Variants in CNTN6 observed in about 807,000 individuals in gnomAD.
The protein encoded by CNTN6 is contactin 6.
In CNTN6, 137 loss-of-function variants were observed where a neutral mutation model predicts 122.8. The ratio of observed to expected loss-of-function variants is 1.12; its 90% CI spans 0.97 to 1.29. The LOEUF (loss-of-function observed/expected upper bound fraction) is 1.29. CNTN6 is among the 50% of genes most tolerant of loss of function. The pLI is 0.00. For missense variants in CNTN6, 1,634 were observed against 1,223.4 expected, an observed-to-expected ratio of 1.34 and a Z score of -5.01; for synonymous variants, 570 against 426.0, an observed-to-expected ratio of 1.34 and a Z score of -4.16.
chr3:1,376,474 C>A (rs1016584564), intron 16 of CNTN6, among the ~76,000 whole-genome samples: 1 of 152,006 alleles, frequency 6.6e-6, no homozygotes, highest in Admixed American at 6.6e-5. Context: ...AAGAAAATCC[C>A]TCTTCTTCTC....
chr3:1,289,651 CTTTTG>C (rs1258991566), intron 5 of CNTN6, among the ~76,000 whole-genome samples: 1 of 146,984 alleles, frequency 6.8e-6, no homozygotes, highest in Non-Finnish European at 1.5e-5. Flanking sequence ...TGAGTTTTAT[CTTTTG>C]TTTTGTTTTG....
At chr3:1,291,313 A>C (rs936945539) in intron 5 of CNTN6, among the ~76,000 whole-genome samples, 6 of 152,200 alleles carry the variant, frequency 3.9e-5, no homozygotes, top group African/African-American at 1.4e-4. Flanking sequence ...CTATTAAAGA[A>C]GGACACACCA....
chr3:1,116,590 C>T (rs886190697), intron 1 of CNTN6, among the ~76,000 whole-genome samples: 1 of 151,582 alleles, frequency 6.6e-6, no homozygotes, highest in South Asian at 2.1e-4. Flanking sequence ...GGAAAGAAAA[C>T]CTGATATAGA....
chr3:1,289,229 G>T (rs1280456225), intron 5 of CNTN6, among the ~76,000 whole-genome samples: 4 of 152,106 alleles, frequency 2.6e-5, no homozygotes, highest in Non-Finnish European at 4.4e-5. Context: ...CACAGCAGTG[G>T]CTGATGCTGG....
chr3:1,235,302 T>G (rs1017674741), intron 4 of CNTN6, among the ~76,000 whole-genome samples: 2 of 152,152 alleles, frequency 1.3e-5, no homozygotes, highest in Non-Finnish European at 2.9e-5. Flanking sequence ...TGCTTGTTTA[T>G]TACTCATGTT....
At chr3:1,384,608 AATTT>A (rs1449135536) in intron 19 of CNTN6, among the ~76,000 whole-genome samples, 3 of 151,228 alleles carry the variant, frequency 2.0e-5, no homozygotes, top group African/African-American at 4.9e-5. Context: ...TGGGTAACAT[AATTT>A]ATTTAACTTT....
intron 20 of CNTN6, among the ~76,000 whole-genome samples, chr3:1,387,879 G>A (rs896686113): frequency 5.3e-5 from 8 of 152,206 alleles, no homozygotes; most frequent in African/African-American, 1.7e-4. Context: ...CGCACCACGA[G>A]ATTATATCCT....
At chr3:1,199,332 A>G (rs2093826568) in intron 2 of CNTN6, among the ~76,000 whole-genome samples, 1 of 151,870 alleles carries the variant, frequency 6.6e-6, no homozygotes, top group African/African-American at 2.4e-5. Context: ...GGTGTATGCC[A>G]CCATGCCCAG....
In CNTN6 at chr3:1,372,393, T is replaced by C; in HGVS notation, c.1587T>C (p.Ile529=). 3 of 1,613,408 alleles carry C rather than the reference T, an allele frequency of 1.9e-6. No homozygotes were observed. In the South Asian group the frequency reaches 3.3e-5, roughly 18 times the overall value. The change falls in exon 13 of 23, where the codon ATT becomes ATC. Residue 529 remains isoleucine, a synonymous_variant. Coordinates refer to ENST00000446702, the MANE Select transcript of CNTN6 (RefSeq NM_001289080.2). ...LPCQVSHDPS[I]EVVFVWFFNG... ...GCCAGGTGTCCCATGACCCCTCCAT[T>C]GAAGTGGTATTTGTATGGTTTTTCA...
chr3:1,379,088 A>T (rs1001332287), intron 17 of CNTN6, among the ~76,000 whole-genome samples: 1 of 152,150 alleles, frequency 6.6e-6, no homozygotes, highest in Non-Finnish European at 1.5e-5. Flanking sequence ...TTGGTAAGAA[A>T]TTCCTACAGG....
At chr3:1,096,449 T>G (rs2090532382) in intron 1 of CNTN6, among the ~76,000 whole-genome samples, 1 of 152,228 alleles carries the variant, frequency 6.6e-6, no homozygotes, top group African/African-American at 2.4e-5. Flanking sequence ...TTCTTTCTTT[T>G]CTTCAGGATC....
intron 1 of CNTN6, among the ~76,000 whole-genome samples, chr3:1,134,684 GT>G (rs924982808): frequency 2.0e-5 from 3 of 151,104 alleles, no homozygotes; most frequent in Non-Finnish European, 2.9e-5. Flanking sequence ...TGTTTTTTTT[GT>G]TTTTTGTTTT....
intron 4 of CNTN6, among the ~76,000 whole-genome samples, chr3:1,242,523 C>T (rs945892441): frequency 2.6e-5 from 4 of 152,076 alleles, no homozygotes; most frequent in African/African-American, 9.7e-5. Context: ...GGCTTTAATC[C>T]TTTGAAAGCG....
chr3:1,194,257 T>C (rs2093743981), intron 2 of CNTN6, among the ~76,000 whole-genome samples: 1 of 152,160 alleles, frequency 6.6e-6, no homozygotes, highest in African/African-American at 2.4e-5. Flanking sequence ...ACATTATTGA[T>C]ATTTTTAAAG....
intron 1 of CNTN6, among the ~76,000 whole-genome samples, chr3:1,099,589 A>G (rs1047264122): frequency 1.3e-5 from 2 of 152,210 alleles, no homozygotes; most frequent in African/African-American, 2.4e-5. Flanking sequence ...GCAGTGTTCT[A>G]TTATCACATA....
intron 4 of CNTN6, among the ~76,000 whole-genome samples, chr3:1,235,203 G>C (rs1465370509): frequency 5.3e-5 from 8 of 152,110 alleles, no homozygotes; most frequent in African/African-American, 1.9e-4. Context: ...GTTGGGATGG[G>C]AGAGGAAAAT....
At chr3:1,178,590 C>G (rs1019929017) in intron 2 of CNTN6, among the ~76,000 whole-genome samples, 2 of 152,198 alleles carry the variant, frequency 1.3e-5, no homozygotes, top group Non-Finnish European at 2.9e-5. Flanking sequence ...TGCTTTGTCT[C>G]TTGGTAGTTT....
At chr3:1,213,990 T>C (rs920080941) in intron 2 of CNTN6, among the ~76,000 whole-genome samples, 3 of 152,114 alleles carry the variant, frequency 2.0e-5, no homozygotes, top group Non-Finnish European at 4.4e-5. Flanking sequence ...TCATACTAGC[T>C]AATTATATTC....
chr3:1,190,760 C>T (rs2093690180), intron 2 of CNTN6, among the ~76,000 whole-genome samples: 1 of 152,100 alleles, frequency 6.6e-6, no homozygotes, highest in Admixed American at 6.6e-5. Flanking sequence ...CCATATATCA[C>T]CTTCAGCCTG....
Sources: allele counts gnomAD v4.1 joint callset (sites outside exome capture counted in the v4.1 genomes callset), GRCh38; gene constraint gnomAD v4.1.1; transcripts MANE v1.5; gene names NCBI Gene and HGNC (gene_info 2026-07-23, HGNC 2026-07-21).